Variants in CD59 observed in about 807,000 individuals in gnomAD.
CD59 encodes the protein CD59 molecule (CD59 blood group), also known as CD59 glycoprotein.
In CD59, 3 loss-of-function variants were observed where a neutral mutation model predicts 7.0. The ratio of observed to expected loss-of-function variants is 0.43; its 90% confidence interval spans 0.19 to 1.10. CD59 has a LOEUF of 1.10. Among genes scored for constraint, CD59 ranks in the 50% least tolerant of loss-of-function variants. The probability of loss-of-function intolerance (pLI) is 0.29; values close to 1 mark genes in which losing one functional copy is unlikely to be tolerated. For synonymous variants in CD59, 60 were observed against 62.0 expected (o/e 0.97, Z 0.15); for missense variants, 143 against 151.0 (o/e 0.95, Z 0.28).
At chr11:33,722,604 A>G in intron 1 of CD59, 141 bp from the exon 2 acceptor site, 1 of 1,517,134 alleles carries the variant, frequency 6.6e-7, no homozygotes, top group Non-Finnish European at 8.9e-7. Flanking sequence ...TCCCTGGGCC[A>G]TGCCCCAGCT....
At position 33,719,831 on chromosome 11, in the gene CD59, T is replaced by C. The variant is rs35428332; in HGVS notation, c.68-2360A>G. Among the ~76,000 whole-genome samples the C allele has an allele frequency of 1.1e-4, 17 of 152,346 alleles. No homozygotes were observed. The East Asian group carries it at 2.9e-3, about 26-fold the overall frequency. ...CCCCACTGTCAGCCTGTGGCTGTCA[T>C]GCCCGTGTGAGAGGGAAGCCACAAG... On this transcript the variant is annotated intron_variant, in intron 2 of 3. Transcript: ENST00000642928.
chr11:33,722,636 C>G, intron 1 of CD59, 173 bp from the exon 2 acceptor site: 1 of 1,471,304 alleles, frequency 6.8e-7, no homozygotes, highest in Non-Finnish European at 9.0e-7. Flanking sequence ...CACCATATAC[C>G]CTTGAGTAGG....
chr11:33,725,643 G>C lies in CD59; in HGVS notation c.-18-3180C>G, dbSNP rs1259209158. Among the ~76,000 whole-genome samples the C allele has an allele frequency of 3.9e-5, 6 of 152,220 alleles. No individual in the cohort carries two copies. In the East Asian group the frequency reaches 1.2e-3, roughly 29 times the overall value. On this transcript the variant is annotated intron_variant, in intron 1 of 3. Transcript: ENST00000642928. ...TGACTCTAAAGTCATTTCCGTAATG[G>C]GAGCTCCAAGTAGGCCTTTCATCAC...
chr11:33,719,627 T>TAAATA (rs540281320), intron 2 of CD59: 3,775 of 152,042 alleles, frequency 0.025, 142 homozygotes, highest in African/African-American at 0.086. Context: ...GTCTAAAAAA[T>TAAATA]AAATAAAATA....
intron 3 of CD59, among the ~76,000 whole-genome samples, chr11:33,712,503 T>C (rs1161237053): frequency 6.6e-6 from 1 of 152,188 alleles, no homozygotes; most frequent in Non-Finnish European, 1.5e-5. Flanking sequence ...TTGGAAACAT[T>C]ATGTTTAGTG....
At chr11:33,712,643 G>A (rs911086831) in intron 3 of CD59, among the ~76,000 whole-genome samples, 3 of 152,198 alleles carry the variant, frequency 2.0e-5, no homozygotes, top group Non-Finnish European at 4.4e-5. Flanking sequence ...GGAGGAATGA[G>A]GACTGACTGC....
At chr11:33,723,719 G>A (rs537983061) in intron 1 of CD59, among the ~76,000 whole-genome samples, 44 of 152,252 alleles carry the variant, frequency 2.9e-4, no homozygotes, top group Middle Eastern at 3.4e-3. Flanking sequence ...ACATGCCAGC[G>A]GCTTGCTTGG....
chr11:33,724,182 C>T (rs1302876093), intron 1 of CD59, among the ~76,000 whole-genome samples: 2 of 152,208 alleles, frequency 1.3e-5, no homozygotes, highest in South Asian at 2.1e-4. Context: ...AAGGAATCTC[C>T]TGACTCGGGT....
chr11:33,710,751 C>T (rs1318313838), intron 3 of CD59, among the ~76,000 whole-genome samples: 1 of 149,524 alleles, frequency 6.7e-6, no homozygotes, highest in African/African-American at 2.5e-5. Flanking sequence ...GATAAGGTCT[C>T]ACTTTCTTGC....
chr11:33,715,818 T>G (rs1170540424), intron 3 of CD59, among the ~76,000 whole-genome samples: 2 of 152,180 alleles, frequency 1.3e-5, no homozygotes, highest in Non-Finnish European at 2.9e-5. Context: ...GTCCAACACA[T>G]ACATTTCATA....
intron 3 of CD59, among the ~76,000 whole-genome samples, chr11:33,712,822 T>C (rs1216900922): frequency 1.3e-5 from 2 of 152,220 alleles, no homozygotes; most frequent in East Asian, 3.8e-4. Flanking sequence ...GAACAGTGTA[T>C]AGAATGTGAC....
At chr11:33,718,968 C>T (rs751086431) in intron 2 of CD59, 4 of 152,158 alleles carry the variant, frequency 2.6e-5, no homozygotes, top group Admixed American at 1.3e-4. Context: ...ATGACTTCTA[C>T]CATGTAATCA....
intron 1 of CD59, among the ~76,000 whole-genome samples, chr11:33,729,759 G>A (rs888799456): frequency 6.6e-6 from 1 of 151,260 alleles, no homozygotes; most frequent in Non-Finnish European, 1.5e-5. Flanking sequence ...GATAGCAAAT[G>A]TTCTGGGTAT....
At chr11:33,734,135 T>C (rs543883465) in intron 1 of CD59, among the ~76,000 whole-genome samples, 1 of 152,318 alleles carries the variant, frequency 6.6e-6, no homozygotes, top group Non-Finnish European at 1.5e-5. Context: ...CTTGGAGACA[T>C]ACACAATACC....
At chr11:33,716,235 C>T (rs1853784392) in intron 3 of CD59, among the ~76,000 whole-genome samples, 1 of 152,084 alleles carries the variant, frequency 6.6e-6, no homozygotes, top group African/African-American at 2.4e-5. Context: ...ATCAGATGCC[C>T]CTGTTTTTTT....
Position 33,706,603 on chromosome 11 carries a change from G to A in CD59, c.*3523C>T, listed in dbSNP as rs913470421. The A allele has an allele frequency of 6.8e-6, 1 of 146,586 alleles. No homozygotes were observed. Among genetic ancestry groups the A allele is most frequent in the African/African-American group, 2.5e-5 (1 of 39,940 alleles). The allele number at this position is 146,586 out of a possible 1,614,324, so 9.1% of individuals were successfully genotyped here. A position where few individuals can be genotyped will look rare whatever the true frequency, so the allele number is the denominator to read the frequency against. Reference sequence around the variant, plus strand: ...CCAGAGACATAGCCAATTAGTGGAAGAGGGTTTGAACCCAGGTTCCTAACT... The same window carrying A: ...CCAGAGACATAGCCAATTAGTGGAAAAGGGTTTGAACCCAGGTTCCTAACT... On this transcript the variant is annotated 3_prime_UTR_variant, in exon 4 of 4. Transcript: ENST00000642928.
chr11:33,715,117 G>A (rs1021251972), intron 3 of CD59, among the ~76,000 whole-genome samples: 5 of 151,804 alleles, frequency 3.3e-5, no homozygotes, highest in African/African-American at 1.2e-4. Flanking sequence ...AGGACTACAT[G>A]CTAACATGAT....
At chr11:33,725,392 T>C (rs1338812226) in intron 1 of CD59, among the ~76,000 whole-genome samples, 1 of 151,744 alleles carries the variant, frequency 6.6e-6, no homozygotes, top group East Asian at 1.9e-4. Flanking sequence ...AAATGCAAGA[T>C]ACACTCAGAA....
Position 33,709,726 on chromosome 11 carries a change from T to A in CD59, c.*400A>T. ...TGAAAGCGTTCCATGTGAGAGAGGA[T>A]GCTCATATACTCCTGCCCCACCCTC... is the stretch of plus-strand genomic sequence containing the variant. On this transcript the variant is annotated 3_prime_UTR_variant, in exon 4 of 4. Transcript: ENST00000642928. The A allele has an allele frequency of 1.7e-5, 5 of 300,058 alleles. No individual in the cohort carries two copies. In the South Asian group the frequency reaches 1.8e-4, roughly 11 times the overall value. The allele number at this position is 300,058 out of a possible 1,614,324, so 18.6% of individuals were successfully genotyped here. A position where few individuals can be genotyped will look rare whatever the true frequency, so the allele number is the denominator to read the frequency against.
Sources: gnomAD v4.1 joint callset for allele counts (sites outside exome capture counted in the v4.1 genomes callset) on GRCh38, gnomAD v4.1.1 for gene constraint, MANE v1.5 for transcripts, NCBI Gene and HGNC (gene_info 2026-07-23, HGNC 2026-07-21) for gene names.